Variants in TMEM114 observed in about 807,000 individuals in gnomAD.
TMEM114 encodes the protein transmembrane protein 114.
Under a neutral mutation model 6.2 loss-of-function variants are expected in TMEM114, and 6 were observed. That is an observed-to-expected ratio of 0.97 (90% CI 0.53 to 1.91). The LOEUF (loss-of-function observed/expected upper bound fraction) is 1.91. TMEM114 is among the 40% of genes most tolerant of loss of function. The pLI is 0.01. For missense variants in TMEM114, 218 were observed against 158.3 expected, an observed-to-expected ratio of 1.38 and a Z score of -2.02; for synonymous variants, 104 against 73.0, an observed-to-expected ratio of 1.42 and a Z score of -2.16.
chr16:8,559,891 G>A (rs539276777), intron 2 of TMEM114, among the ~76,000 whole-genome samples: 1 of 152,180 alleles, frequency 6.6e-6, no homozygotes, highest in Non-Finnish European at 1.5e-5. Flanking sequence ...TGAGAAGTCG[G>A]GAGCCTGGGG....
intron 2 of TMEM114, among the ~76,000 whole-genome samples, chr16:8,558,323 G>A (rs1901082419): frequency 6.6e-6 from 1 of 152,158 alleles, no homozygotes; most frequent in Non-Finnish European, 1.5e-5. Flanking sequence ...GACTCCAGTG[G>A]AGGATCCTTC....
At chr16:8,553,307 G>A (rs1187296280) in intron 2 of TMEM114, among the ~76,000 whole-genome samples, 1 of 152,162 alleles carries the variant, frequency 6.6e-6, no homozygotes, top group Non-Finnish European at 1.5e-5. Context: ...GCCACGGGTG[G>A]TCCCTGTGGG....
chr16:8,561,306 T>C (rs971265808), intron 2 of TMEM114, among the ~76,000 whole-genome samples: 1 of 152,230 alleles, frequency 6.6e-6, no homozygotes, highest in African/African-American at 2.4e-5. Flanking sequence ...GTTTCTGGTC[T>C]CTCAAAAGAC....
chr16:8,566,289 A>G (rs544622011), downstream of TMEM114, among the ~76,000 whole-genome samples: 1 of 152,136 alleles, frequency 6.6e-6, no homozygotes, highest in South Asian at 2.1e-4. Context: ...AGGCAGGAGA[A>G]TCACTTGCAC....
intron 2 of TMEM114, among the ~76,000 whole-genome samples, chr16:8,564,311 A>C (rs1465530701): frequency 2.0e-5 from 2 of 98,664 alleles, no homozygotes; most frequent in East Asian, 3.2e-4. Context: ...GTGATGAAAT[A>C]AGTGAATGAG....
chr16:8,550,788 C>G (rs868768223), intron 2 of TMEM114, among the ~76,000 whole-genome samples: 1 of 152,070 alleles, frequency 6.6e-6, no homozygotes, highest in African/African-American at 2.4e-5. Context: ...CCTGCCCACT[C>G]CCATATCCAC....
At chr16:8,567,744 G>A (rs1406014140), downstream of TMEM114, among the ~76,000 whole-genome samples, 1 of 152,174 alleles carries the variant, frequency 6.6e-6, no homozygotes, top group African/African-American at 2.4e-5. Flanking sequence ...GCGCTAGGAG[G>A]GCTGAAAACG....
At chr16:8,558,520 T>G (rs76490341) in intron 2 of TMEM114, among the ~76,000 whole-genome samples, 11,440 of 152,272 alleles carry the variant, frequency 0.075, 532 homozygotes, top group Middle Eastern at 0.18. Context: ...TCATCTTAAC[T>G]ATAGTAATTA....
At chr16:8,553,672 G>A (rs556972921) in intron 2 of TMEM114, among the ~76,000 whole-genome samples, 1 of 152,118 alleles carries the variant, frequency 6.6e-6, no homozygotes, top group East Asian at 1.9e-4. Context: ...TAGTAGAGAT[G>A]GGGCTTCACT....
At chr16:8,586,061 A>G (rs1902309808) in intron 2 of TMEM114, among the ~76,000 whole-genome samples, 1 of 152,168 alleles carries the variant, frequency 6.6e-6, no homozygotes, top group South Asian at 2.1e-4. Context: ...CCCAGTGCCT[A>G]TTGTGGTTAG....
At chr16:8,560,830 G>C (rs978009796) in intron 2 of TMEM114, among the ~76,000 whole-genome samples, 2 of 152,168 alleles carry the variant, frequency 1.3e-5, no homozygotes, top group Admixed American at 6.5e-5. Context: ...GGGTGTATTA[G>C]TCTGTTCTCC....
chr16:8,539,515 C>T (rs947652016), intron 2 of TMEM114, among the ~76,000 whole-genome samples: 3 of 152,138 alleles, frequency 2.0e-5, no homozygotes, highest in Non-Finnish European at 2.9e-5. Context: ...TGCAGGCTCA[C>T]ACCACCCTCT....
chr16:8,534,625 G>A (rs1418159688), downstream of TMEM114, among the ~76,000 whole-genome samples: 1 of 152,170 alleles, frequency 6.6e-6, no homozygotes, highest in Non-Finnish European at 1.5e-5. Context: ...GCTTGGTGGG[G>A]GTGCTGAAGG....
Position 8,590,030 on chromosome 16 carries a change from C to A in TMEM114, c.-192G>T, listed in dbSNP as rs1902436001. Reference sequence around the variant, plus strand: ...ACCCTGGCTCCTCACCTGCCGGCTCCGACCTGCACGCGCCCCCCGCTCAGC... The same window carrying A: ...ACCCTGGCTCCTCACCTGCCGGCTCAGACCTGCACGCGCCCCCCGCTCAGC... On this transcript the variant is annotated 5_prime_UTR_variant, in exon 1 of 4. Transcript: ENST00000620492. 1 of 380,162 alleles carries A rather than the reference C, an allele frequency of 2.6e-6. No individual in the cohort carries two copies. Among genetic ancestry groups the A allele is most frequent in the African/African-American group, 2.1e-5 (1 of 47,810 alleles). The allele number at this position is 380,162 out of a possible 1,614,324, so 23.5% of individuals were successfully genotyped here.
At chr16:8,531,568 C>G in the TMEM114 span, among the ~76,000 whole-genome samples, 1 of 152,320 alleles carries the variant, frequency 6.6e-6, no homozygotes, top group Admixed American at 6.5e-5. Flanking sequence ...TGCACCCATG[C>G]AGAAGTTTAT....
At chr16:8,587,679 TC>T (rs1902357657) in intron 2 of TMEM114, among the ~76,000 whole-genome samples, 1 of 152,190 alleles carries the variant, frequency 6.6e-6, no homozygotes, top group South Asian at 2.1e-4. Context: ...TATTTTTTTA[TC>T]CCCAGCCTCA....
chr16:8,547,306 G>C (rs746764946), intron 2 of TMEM114, among the ~76,000 whole-genome samples: 7 of 152,114 alleles, frequency 4.6e-5, no homozygotes, highest in Non-Finnish European at 1.0e-4. Context: ...CTCTAGACCA[G>C]ATTTTGTCTC....
the TMEM114 span, among the ~76,000 whole-genome samples, chr16:8,531,686 G>A: frequency 6.6e-6 from 1 of 152,232 alleles, no homozygotes; most frequent in Non-Finnish European, 1.5e-5. Context: ...AGTGACCAGT[G>A]TAACATTCAA....
intron 2 of TMEM114, among the ~76,000 whole-genome samples, chr16:8,540,376 C>A (rs1900481402): frequency 6.6e-6 from 1 of 152,162 alleles, no homozygotes; most frequent in East Asian, 1.9e-4. Flanking sequence ...ATCATTATAT[C>A]AACCTCAGTT....
Sources: gnomAD v4.1 joint callset for allele counts (sites outside exome capture counted in the v4.1 genomes callset) on GRCh38, gnomAD v4.1.1 for gene constraint, MANE v1.5 for transcripts, NCBI Gene and HGNC (gene_info 2026-07-23, HGNC 2026-07-21) for gene names.